ZFR: variants seen among roughly 807,000 people sequenced by gnomAD.
ZFR encodes zinc finger RNA binding protein, also known as zinc finger RNA-binding protein.
ZFR carries 19 observed loss-of-function variants against 130.7 expected under a neutral mutation model. The observed-to-expected ratio is 0.15, with a 90% CI of 0.10 to 0.21. The LOEUF (loss-of-function observed/expected upper bound fraction) is 0.21, where lower values mean the gene tolerates loss of function less well. Ranked by LOEUF, ZFR falls within the 10% of genes least tolerant of loss-of-function variation. ZFR has a pLI of 1.00. For missense variants in ZFR, 872 were observed against 1,321.5 expected, an observed-to-expected ratio of 0.66 and a Z score of 5.27; for synonymous variants, 466 against 456.9, an observed-to-expected ratio of 1.02 and a Z score of -0.25.
chr5:32,378,394 A>G (rs1752870389), intron 17 of ZFR, among the ~76,000 whole-genome samples: 1 of 152,168 alleles, frequency 6.6e-6, no homozygotes, highest in Non-Finnish European at 1.5e-5. Flanking sequence ...TAGCAAGGCC[A>G]TGCTTTTGTT....
At chr5:32,375,690 A>G (rs984922524) in intron 17 of ZFR, among the ~76,000 whole-genome samples, 1 of 152,058 alleles carries the variant, frequency 6.6e-6, no homozygotes, top group Non-Finnish European at 1.5e-5. Context: ...TATCTTTTCT[A>G]GAGAAAGGGT....
In ZFR at chr5:32,422,406, A is replaced by G. The variant is rs544711834; in HGVS notation, c.138-2303T>C. On this transcript the variant is annotated intron_variant, in intron 2 of 19. Coordinates refer to ENST00000265069, the MANE Select transcript of ZFR (RefSeq NM_016107.5). ...ATATGAAAAAGATGCCAGCAGATTTAGCAATTGCTATTTACACATCCCTGG... is the reference window on the plus strand; with the variant it reads ...ATATGAAAAAGATGCCAGCAGATTTGGCAATTGCTATTTACACATCCCTGG... Among the ~76,000 whole-genome samples, 3 of 152,322 alleles carry G rather than the reference A, an allele frequency of 2.0e-5. No homozygotes were observed. In the South Asian group the frequency reaches 6.2e-4, roughly 32 times the overall value.
At chr5:32,370,310 G>GGAGAGAGAGAGAGAGA (rs769362722) in intron 17 of ZFR, among the ~76,000 whole-genome samples, 13 of 69,846 alleles carry the variant, frequency 1.9e-4, no homozygotes, top group Admixed American at 1.0e-3. Context: ...TGTTGTGGGG[G>GGAGAGAGAGAGAGAGA]GAGAGAGAGA....
intron 5 of ZFR, among the ~76,000 whole-genome samples, chr5:32,408,916 CCTGA>C (rs1753640049): frequency 6.6e-6 from 1 of 152,156 alleles, no homozygotes. Context: ...TCAAAAGTTG[CCTGA>C]CTACTTTTCT....
intron 17 of ZFR, among the ~76,000 whole-genome samples, chr5:32,373,221 C>A (rs1467741437): frequency 6.6e-6 from 1 of 152,054 alleles, no homozygotes; most frequent in Non-Finnish European, 1.5e-5. Flanking sequence ...GGTGAAAACC[C>A]ATCTCTACTA....
At chr5:32,415,523 C>CGCGTGT (rs1554073621) in intron 4 of ZFR, among the ~76,000 whole-genome samples, 1 of 132,036 alleles carries the variant, frequency 7.6e-6, no homozygotes, top group South Asian at 2.5e-4. Flanking sequence ...TGTGCGCGCG[C>CGCGTGT]GCGCGCGCGC....
chr5:32,410,230 T>G (rs1385654169), intron 5 of ZFR, among the ~76,000 whole-genome samples: 2 of 132,120 alleles, frequency 1.5e-5, no homozygotes, highest in Non-Finnish European at 3.1e-5. Context: ...TGCAGTGAGC[T>G]GGGATTGTGC....
intron 2 of ZFR, among the ~76,000 whole-genome samples, chr5:32,436,137 ATTC>A (rs1754326395): frequency 1.5e-5 from 1 of 68,486 alleles, no homozygotes; most frequent in East Asian, 5.0e-4. Flanking sequence ...CCACAGTTGT[ATTC>A]TTTTTTTTTT....
chr5:32,390,003 T>C (rs934879112), intron 12 of ZFR, among the ~76,000 whole-genome samples: 2 of 152,116 alleles, frequency 1.3e-5, no homozygotes, highest in Non-Finnish European at 2.9e-5. Flanking sequence ...ATACAAAAAT[T>C]AGCCAAGTGT....
chr5:32,431,588 CA>C (rs1167245535), intron 2 of ZFR, among the ~76,000 whole-genome samples: 4 of 152,128 alleles, frequency 2.6e-5, no homozygotes, highest in Admixed American at 6.5e-5. Context: ...GGTAAAACAG[CA>C]AAGTAATTGA....
In ZFR at chr5:32,406,761, A is replaced by G; in HGVS notation, c.1032+13T>C. 6.9e-6 allele frequency: 11 copies of G among 1,600,954 alleles called. No individual in the cohort carries two copies. Among genetic ancestry groups the G allele is most frequent in the Non-Finnish European group, 6.8e-6 (8 of 1,176,772 alleles). ...CCACTGAAGACTCAAGGTAAAACAT[A>G]CAACGTAAGTACCTGTGGTCCAGCA... is the stretch of plus-strand genomic sequence containing the variant. On this transcript the variant is annotated intron_variant, in intron 6 of 19. Transcript: ENST00000265069.
intron 10 of ZFR, among the ~76,000 whole-genome samples, chr5:32,396,342 C>A (rs1753311111): frequency 1.3e-5 from 2 of 152,066 alleles, no homozygotes; most frequent in African/African-American, 4.8e-5. Flanking sequence ...TAAAAAGTTT[C>A]TTTACATATT....
intron 2 of ZFR, among the ~76,000 whole-genome samples, chr5:32,439,102 T>C (rs1754404361): frequency 6.6e-6 from 1 of 152,254 alleles, no homozygotes; most frequent in African/African-American, 2.4e-5. Flanking sequence ...CTAATAGCCA[T>C]TTTATCATCA....
chr5:32,358,412 G>C (rs1310971664), intron 19 of ZFR, among the ~76,000 whole-genome samples: 2 of 152,170 alleles, frequency 1.3e-5, no homozygotes, highest in African/African-American at 2.4e-5. Context: ...TGTAATCCTA[G>C]CACTTTGGGA....
At chr5:32,367,136 A>G (rs184826897) in intron 17 of ZFR, among the ~76,000 whole-genome samples, 1 of 152,174 alleles carries the variant, frequency 6.6e-6, no homozygotes, top group Non-Finnish European at 1.5e-5. Context: ...TGGTGTGATT[A>G]TAACTGACTG....
chr5:32,429,131 G>A (rs552896541), intron 2 of ZFR, among the ~76,000 whole-genome samples: 2 of 151,876 alleles, frequency 1.3e-5, no homozygotes, highest in African/African-American at 2.4e-5. Flanking sequence ...GACTACAGGA[G>A]CCCGCCACCA....
At position 32,419,901 on chromosome 5, in the gene ZFR, T is replaced by C. The variant is rs760402550; in HGVS notation, c.340A>G (p.Thr114Ala). 6.8e-6 allele frequency: 11 copies of C among 1,614,012 alleles called. No individual in the cohort carries two copies. Among genetic ancestry groups the C allele is most frequent in the Non-Finnish European group, 9.3e-6 (11 of 1,179,944 alleles). ...TGAGTATAACCATAGTCAGTTGCTGTGTGTGCAGTGGGGTAGCCTCCATAA... is the reference window on the plus strand; with the variant it reads ...TGAGTATAACCATAGTCAGTTGCTGCGTGTGCAGTGGGGTAGCCTCCATAA... ...AAYGGYPTAH[T>A]ATDYGYTQRQ... Residue 114 changes from threonine (T) to alanine (A), a missense_variant, in exon 3 of 20, where the codon ACA becomes GCA. Around this residue, in one of 7 missense-constraint regions of ZFR, gnomAD observed 240 missense variants for 441.2 expected, o/e 0.54. Coordinates refer to ENST00000265069, the MANE Select transcript of ZFR (RefSeq NM_016107.5).
At chr5:32,361,618 CTT>C (rs1194868463) in intron 19 of ZFR, among the ~76,000 whole-genome samples, 14 of 133,992 alleles carry the variant, frequency 1.0e-4, no homozygotes, top group Non-Finnish European at 1.1e-4. Flanking sequence ...TCAGCCTATT[CTT>C]TTTTTTTTTT....
chr5:32,433,699 CA>C (rs1282494053), intron 2 of ZFR, among the ~76,000 whole-genome samples: 3 of 152,092 alleles, frequency 2.0e-5, no homozygotes, highest in Non-Finnish European at 4.4e-5. Context: ...TACTTTTTTC[CA>C]ATCACTTTTA....
Sources: gnomAD v4.1 joint callset for allele counts (sites outside exome capture counted in the v4.1 genomes callset) on GRCh38, gnomAD v4.1.1 for gene constraint, gnomAD v4.1.1 regional missense constraint, MANE v1.5 for transcripts, NCBI Gene and HGNC (gene_info 2026-07-23, HGNC 2026-07-21) for gene names.